AGBL1: variants seen among roughly 807,000 people sequenced by gnomAD.
AGBL1 encodes cytosolic carboxypeptidase 4.
Under a neutral mutation model 118.9 loss-of-function variants are expected in AGBL1, and 130 were observed. The ratio of observed to expected loss-of-function variants is 1.09; its 90% CI spans 0.95 to 1.26. The LOEUF is 1.26. Ranked by LOEUF, AGBL1 falls within the 50% of genes most tolerant of loss-of-function variation. AGBL1 has a pLI of 0.00. For synonymous variants in AGBL1, 555 were observed against 478.9 expected (o/e 1.16, Z -2.08); for missense variants, 1,584 against 1,298.1 (o/e 1.22, Z -3.38).
chr15:86,674,561 G>A, intron 22 of AGBL1, 125 bp downstream of exon 22: 1 of 955,050 alleles, frequency 1.0e-6, no homozygotes. Context: ...GAATTCCCAA[G>A]TAAAGGTAGG....
At chr15:86,831,691 G>C (rs1030457248) in intron 22 of AGBL1, among the ~76,000 whole-genome samples, 1 of 152,196 alleles carries the variant, frequency 6.6e-6, no homozygotes, top group Non-Finnish European at 1.5e-5. Flanking sequence ...TGCTTTCATG[G>C]ACTGGCATTG....
intron 5 of AGBL1, among the ~76,000 whole-genome samples, chr15:86,213,423 C>T (rs1567130819): frequency 6.6e-6 from 1 of 152,156 alleles, no homozygotes; most frequent in Non-Finnish European, 1.5e-5. Context: ...ATTAGCAACA[C>T]CTGGGAGGTT....
At chr15:86,463,736 G>T (rs1348079035) in intron 18 of AGBL1, among the ~76,000 whole-genome samples, 2 of 152,204 alleles carry the variant, frequency 1.3e-5, no homozygotes, top group Non-Finnish European at 2.9e-5. Context: ...ATTTGTTAAA[G>T]ATCAGATGGT....
chr15:86,930,487 A>T (rs2080592165), intron 23 of AGBL1, among the ~76,000 whole-genome samples: 1 of 152,076 alleles, frequency 6.6e-6, no homozygotes, highest in Non-Finnish European at 1.5e-5. Context: ...AACAATAAGC[A>T]AGGGAGACCT....
At chr15:86,279,331 G>A (rs1433398280) in intron 15 of AGBL1, among the ~76,000 whole-genome samples, 1 of 152,154 alleles carries the variant, frequency 6.6e-6, no homozygotes, top group Non-Finnish European at 1.5e-5. Flanking sequence ...GATTTTCCTC[G>A]ATGTTCTAGC....
chr15:87,015,533 T>G (rs1026004662), intron 24 of AGBL1, among the ~76,000 whole-genome samples: 1 of 152,206 alleles, frequency 6.6e-6, no homozygotes, highest in African/African-American at 2.4e-5. Context: ...ATTGCAACAT[T>G]CATTCAGTAA....
At chr15:86,994,023 T>C (rs2594329) in intron 24 of AGBL1, among the ~76,000 whole-genome samples, 82,156 of 151,926 alleles carry the variant, frequency 0.54, 24,678 homozygotes, top group South Asian at 0.72. Context: ...CAACGCTTCA[T>C]TCAGTGTGAC....
At chr15:86,959,304 C>T (rs1055396464) in intron 23 of AGBL1, among the ~76,000 whole-genome samples, 5 of 152,084 alleles carry the variant, frequency 3.3e-5, no homozygotes, top group Non-Finnish European at 5.9e-5. Context: ...ATTAAATCTA[C>T]TTATACAAAC....
chr15:86,320,458 T>A (rs1178695824), intron 17 of AGBL1, among the ~76,000 whole-genome samples: 2 of 152,110 alleles, frequency 1.3e-5, no homozygotes, highest in African/African-American at 4.8e-5. Flanking sequence ...TATATTTGTT[T>A]TGTATTTTAA....
intron 22 of AGBL1, among the ~76,000 whole-genome samples, chr15:86,802,873 T>C: frequency 6.6e-6 from 1 of 152,140 alleles, no homozygotes; most frequent in Admixed American, 6.6e-5. Context: ...AATTTCTTTA[T>C]CTACAAAAGG....
intron 17 of AGBL1, among the ~76,000 whole-genome samples, chr15:86,390,057 A>C (rs893053756): frequency 1.3e-5 from 2 of 152,160 alleles, no homozygotes; most frequent in Non-Finnish European, 2.9e-5. Context: ...GGAAACACTG[A>C]AAGTGATGAA....
intron 22 of AGBL1, among the ~76,000 whole-genome samples, chr15:86,738,659 C>T (rs569806691): frequency 2.6e-5 from 4 of 152,270 alleles, no homozygotes; most frequent in East Asian, 3.9e-4. Flanking sequence ...AATATTGTCT[C>T]ATGTGACATG....
At chr15:86,838,934 G>C (rs866130845) in intron 22 of AGBL1, among the ~76,000 whole-genome samples, 19 of 71,578 alleles carry the variant, frequency 2.7e-4, no homozygotes, top group Non-Finnish European at 3.9e-4. Flanking sequence ...AACAGAATGA[G>C]ATCCTGTAAA....
chr15:86,457,193 A>C (rs1188333588), intron 18 of AGBL1, among the ~76,000 whole-genome samples: 1 of 152,116 alleles, frequency 6.6e-6, no homozygotes, highest in Non-Finnish European at 1.5e-5. Context: ...TTATTTTTGC[A>C]TGCTTTCCAT....
intron 5 of AGBL1, among the ~76,000 whole-genome samples, chr15:86,185,396 C>A (rs1158250447): frequency 6.6e-6 from 1 of 152,120 alleles, no homozygotes; most frequent in African/African-American, 2.4e-5. Context: ...CCCAGCCATC[C>A]CATTACTGGA....
At chr15:86,690,778 G>T (rs546131419) in intron 22 of AGBL1, among the ~76,000 whole-genome samples, 1 of 152,202 alleles carries the variant, frequency 6.6e-6, no homozygotes, top group East Asian at 1.9e-4. Flanking sequence ...GGTTTTGTGT[G>T]GGTGCTTGCT....
chr15:86,596,012 T>C (rs778626266), intron 21 of AGBL1, among the ~76,000 whole-genome samples: 4 of 151,902 alleles, frequency 2.6e-5, no homozygotes, highest in Non-Finnish European at 4.4e-5. Context: ...AGACCAATCT[T>C]AGGGGGTTGG....
At chr15:86,148,256 G>A (rs937726546) in intron 3 of AGBL1, among the ~76,000 whole-genome samples, 2 of 152,174 alleles carry the variant, frequency 1.3e-5, no homozygotes, top group Non-Finnish European at 2.9e-5. Context: ...GCCAGCAACA[G>A]AACAAAATTG....
intron 22 of AGBL1, among the ~76,000 whole-genome samples, chr15:86,825,526 G>T (rs1336775607): frequency 6.7e-6 from 1 of 150,034 alleles, no homozygotes; most frequent in East Asian, 2.0e-4. Context: ...CTTAGAAAAT[G>T]GACAAAATAC....
Sources: gnomAD v4.1 joint callset for allele counts (sites outside exome capture counted in the v4.1 genomes callset) on GRCh38, gnomAD v4.1.1 for gene constraint, MANE v1.5 for transcripts, NCBI Gene and HGNC (gene_info 2026-07-23, HGNC 2026-07-21) for gene names.